STK38: variants seen among roughly 807,000 people sequenced by gnomAD.
STK38 encodes the protein serine/threonine-protein kinase 38.
Under a neutral mutation model 59.0 loss-of-function variants are expected in STK38, and 26 were observed. That is an observed-to-expected ratio of 0.44 (90% CI 0.32 to 0.61). STK38 has a LOEUF of 0.61. Ranked by LOEUF, STK38 falls within the 20% of genes least tolerant of loss-of-function variation. STK38 has a pLI of 0.04. For synonymous variants in STK38, 175 were observed against 176.6 expected (o/e 0.99, Z 0.07); for missense variants, 433 against 566.0 (o/e 0.76, Z 2.38).
intron 2 of STK38, among the ~76,000 whole-genome samples, chr6:36,527,769 C>G (rs1777566957): frequency 6.6e-6 from 1 of 151,938 alleles, no homozygotes; most frequent in South Asian, 2.1e-4. Flanking sequence ...TCCAGATAAA[C>G]AGGCAATGTG....
At position 36,494,860 on chromosome 6, in the gene STK38, G is replaced by A. The variant is rs1453184761; in HGVS notation, c.*924C>T. The stretch of plus-strand genomic sequence containing the variant: ...GGAACAGGAACAGCACCTTAGCCAA[G>A]AGGGTTCCAGGCCTCCTGCCTAGGC... On this transcript the variant is annotated 3_prime_UTR_variant, in exon 14 of 14. Transcript: ENST00000229812. 1 of 152,322 alleles carries A rather than the reference G, an allele frequency of 6.6e-6. No homozygotes were observed. Among genetic ancestry groups the A allele is most frequent in the Non-Finnish European group, 1.5e-5 (1 of 68,086 alleles). The allele number at this position is 152,322 out of a possible 1,614,324, so 9.4% of individuals were successfully genotyped here.
chr6:36,499,733 G>T, intron 10 of STK38, 140 bp downstream of exon 10: 3 of 721,472 alleles, frequency 4.2e-6, no homozygotes, highest in Non-Finnish European at 7.4e-6. Flanking sequence ...TGAAAGAGGT[G>T]TCATCTGTCT....
Position 36,495,705 on chromosome 6 carries a change from A to G in STK38, c.*79T>C. The G allele has an allele frequency of 6.3e-7, 1 of 1,576,342 alleles. No homozygotes were observed. The highest frequency in any genetic ancestry group is 8.7e-7 in the Non-Finnish European group (1 of 1,154,902). ...TGGTGGGTTCCATCAACTTCTTGGA[A>G]GCTCTTCAAGAGTGTGAGAGGAAAA... On this transcript the variant is annotated 3_prime_UTR_variant, in exon 14 of 14. Transcript: ENST00000229812.
intron 5 of STK38, among the ~76,000 whole-genome samples, chr6:36,520,178 T>C (rs1777346684): frequency 6.6e-6 from 1 of 152,120 alleles, no homozygotes; most frequent in South Asian, 2.1e-4. Context: ...AGTTGAGGAG[T>C]TGAGTTCTCA....
At chr6:36,513,407 C>G (rs917239405) in intron 7 of STK38, among the ~76,000 whole-genome samples, 1 of 150,764 alleles carries the variant, frequency 6.6e-6, no homozygotes, top group Non-Finnish European at 1.5e-5. Context: ...CTCCACCTCC[C>G]GGGTTCAAGT....
At chr6:36,534,712 C>CTATA (rs1298527556) in intron 2 of STK38, among the ~76,000 whole-genome samples, 1 of 151,910 alleles carries the variant, frequency 6.6e-6, no homozygotes, top group Non-Finnish European at 1.5e-5. Flanking sequence ...CTGCCTCAAC[C>CTATA]TATAAAGGGC....
chr6:36,530,339 A>G (rs1777635581), intron 2 of STK38, among the ~76,000 whole-genome samples: 2 of 151,908 alleles, frequency 1.3e-5, no homozygotes, highest in South Asian at 4.1e-4. Context: ...TTACATCTCC[A>G]TGATTAAAAT....
chr6:36,511,926 G>A (rs1777120514), intron 7 of STK38, among the ~76,000 whole-genome samples: 1 of 151,962 alleles, frequency 6.6e-6, no homozygotes. Context: ...GGACATGGTG[G>A]TGCACGCCTG....
intron 7 of STK38, among the ~76,000 whole-genome samples, chr6:36,514,080 G>A (rs575886289): frequency 2.8e-4 from 43 of 151,278 alleles, no homozygotes; most frequent in Admixed American, 1.5e-3. Flanking sequence ...GTGTGAACCC[G>A]GGAGGCAGAG....
chr6:36,511,733 C>T (rs1204189428), intron 7 of STK38, among the ~76,000 whole-genome samples: 1 of 151,946 alleles, frequency 6.6e-6, no homozygotes, highest in African/African-American at 2.4e-5. Flanking sequence ...GATTACATAT[C>T]TTACCTGGAC....
intron 7 of STK38, among the ~76,000 whole-genome samples, chr6:36,510,283 G>A (rs927903486): frequency 6.6e-6 from 1 of 152,268 alleles, no homozygotes; most frequent in African/African-American, 2.4e-5. Flanking sequence ...AGAGGGAGCT[G>A]AGGCTGCAGG....
chr6:36,540,248 G>A, intron 1 of STK38, 41 bp from the exon 2 acceptor site: 1 of 1,608,932 alleles, frequency 6.2e-7, no homozygotes, highest in South Asian at 1.1e-5. Context: ...TTTGGAGTTA[G>A]AATCCACCCA....
chr6:36,512,667 CT>C (rs201882616), intron 7 of STK38, among the ~76,000 whole-genome samples: 20 of 149,748 alleles, frequency 1.3e-4, no homozygotes, highest in South Asian at 4.2e-4. Flanking sequence ...AATCTTTCTT[CT>C]TTTTTTTTTG....
In STK38 at chr6:36,494,771, T is replaced by C. The variant is rs1176005878; in HGVS notation, c.*1013A>G. 2 of 152,582 alleles carry C rather than the reference T, an allele frequency of 1.3e-5. No individual in the cohort carries two copies. The highest frequency in any genetic ancestry group is 2.9e-5 in the Non-Finnish European group (2 of 68,080). The allele number at this position is 152,582 out of a possible 1,614,324, so 9.5% of individuals were successfully genotyped here. On this transcript the variant is annotated 3_prime_UTR_variant, in exon 14 of 14. Coordinates refer to ENST00000229812, the MANE Select transcript of STK38 (RefSeq NM_007271.4). ...GTGAGCTTTACAAGGACTTGTCAGC[T>C]GGCTCTGTACTTCTATTGGGCTGGT...
intron 6 of STK38, 61 bp from the exon 7 acceptor site, chr6:36,515,553 C>T (rs1471410107): frequency 2.0e-6 from 3 of 1,518,560 alleles, no homozygotes; most frequent in Non-Finnish European, 2.7e-6. Flanking sequence ...CACACACACA[C>T]ACAACATACG....
intron 9 of STK38, 104 bp downstream of exon 9, chr6:36,506,479 A>G: frequency 8.5e-7 from 1 of 1,180,286 alleles, no homozygotes; most frequent in Admixed American, 2.2e-5. Flanking sequence ...CTTAAAAGCA[A>G]GGGATATGTT....
intron 2 of STK38, among the ~76,000 whole-genome samples, chr6:36,538,523 T>C (rs1777851822): frequency 6.6e-6 from 1 of 152,188 alleles, no homozygotes. Flanking sequence ...CCCCAAAAAG[T>C]ATAAATACTG....
At chr6:36,545,509 A>G (rs1778036421) in intron 1 of STK38, among the ~76,000 whole-genome samples, 1 of 152,018 alleles carries the variant, frequency 6.6e-6, no homozygotes, top group South Asian at 2.1e-4. Flanking sequence ...ATATAATGAT[A>G]AAGACTGCAC....
chr6:36,516,533 C>T (rs965209005), intron 6 of STK38, among the ~76,000 whole-genome samples: 1 of 152,014 alleles, frequency 6.6e-6, no homozygotes, highest in Non-Finnish European at 1.5e-5. Flanking sequence ...GCTATTTTTC[C>T]CTCAGGCAAA....
Sources: allele counts gnomAD v4.1 joint callset (sites outside exome capture counted in the v4.1 genomes callset), GRCh38; gene constraint gnomAD v4.1.1; transcripts MANE v1.5; gene names NCBI Gene and HGNC (gene_info 2026-07-23, HGNC 2026-07-21).